The following VIPR2 variants were observed in gnomAD, a reference collection of about 807,000 sequenced individuals.
VIPR2 encodes vasoactive intestinal peptide receptor 2.
A neutral mutation model predicts 58.0 loss-of-function variants in VIPR2; 48 were observed. That is an observed-to-expected ratio of 0.83 (90% CI 0.66 to 1.05). The LOEUF is 1.05. VIPR2 is among the 50% of genes least tolerant of loss of function. The pLI is 0.00. For synonymous variants in VIPR2, 243 were observed against 235.2 expected, an observed-to-expected ratio of 1.03 and a Z score of -0.30; for missense variants, 534 against 558.0, an observed-to-expected ratio of 0.96 and a Z score of 0.43.
intron 2 of VIPR2, among the ~76,000 whole-genome samples, chr7:159,118,905 A>C (rs887189472): frequency 3.3e-5 from 5 of 152,248 alleles, no homozygotes; most frequent in Admixed American, 2.0e-4. Context: ...CGCTTTGTGC[A>C]CTCCTACAGA....
chr7:159,064,535 G>A (rs887723991), intron 4 of VIPR2, among the ~76,000 whole-genome samples: 2 of 152,278 alleles, frequency 1.3e-5, no homozygotes, highest in Admixed American at 1.3e-4. Context: ...TGGGTGCTGG[G>A]CTGAAGGTGG....
Position 159,097,188 on chromosome 7 carries a change from C to A in VIPR2, c.357+6569G>T. ...GATCTTTGTCACCAGGGATGGGAGCCCTGGGGAGTGAAGTTTGCCATCAGT... is the reference window on the plus strand; with the variant it reads ...GATCTTTGTCACCAGGGATGGGAGCACTGGGGAGTGAAGTTTGCCATCAGT... On this transcript the variant is annotated intron_variant, in intron 4 of 12. Coordinates refer to ENST00000262178, the MANE Select transcript of VIPR2 (RefSeq NM_003382.5). This position sits in a 1 kb window ranked among gnomAD's most constrained non-coding sequence, Gnocchi z 5.3. 3.5e-6 allele frequency: 5 copies of A among 1,434,832 alleles called. No individual in the cohort carries two copies. The highest frequency in any genetic ancestry group is 4.6e-6 in the Non-Finnish European group (5 of 1,089,988). The allele number at this position is 1,434,832 out of a possible 1,614,324, so 88.9% of individuals were successfully genotyped here. A position where few individuals can be genotyped will look rare whatever the true frequency, so the allele number is the denominator to read the frequency against.
At chr7:159,121,004 T>G (rs944739857) in intron 2 of VIPR2, among the ~76,000 whole-genome samples, 4 of 152,236 alleles carry the variant, frequency 2.6e-5, no homozygotes, top group Admixed American at 1.3e-4. Flanking sequence ...TGCCTGCTTT[T>G]TAAGCTTGGA....
chr7:159,033,785 G>A (rs1357607757), intron 10 of VIPR2, among the ~76,000 whole-genome samples: 1 of 152,184 alleles, frequency 6.6e-6, no homozygotes, highest in Non-Finnish European at 1.5e-5. Flanking sequence ...AAAATACTGT[G>A]TGGTCAAGGA....
In VIPR2 at chr7:159,127,952, A is replaced by T. The variant is rs1356583191; in HGVS notation, c.151+14494T>A. On this transcript the variant is annotated intron_variant, in intron 2 of 12. Transcript: ENST00000262178. The surrounding 1 kb of genome is among the most constrained non-coding windows in gnomAD (Gnocchi z 4.6). ...CGTGCTATTCCAAGGACAATCTTCCATAGATTTATGATTGGGACTTGTGTC... is the reference window on the plus strand; with the variant it reads ...CGTGCTATTCCAAGGACAATCTTCCTTAGATTTATGATTGGGACTTGTGTC... 6.6e-6 allele frequency among the ~76,000 whole-genome samples: 1 copy of T among 152,138 alleles called. No homozygotes were observed. The highest frequency in any genetic ancestry group is 1.5e-5 in the Non-Finnish European group (1 of 68,024).
Position 159,099,596 on chromosome 7 carries a change from A to G in VIPR2, c.357+4161T>C, listed in dbSNP as rs1322827226. 1.3e-5 allele frequency among the ~76,000 whole-genome samples: 2 copies of G among 152,184 alleles called. No homozygotes were observed. The highest frequency in any genetic ancestry group is 3.9e-4 in the East Asian group (2 of 5,194). On this transcript the variant is annotated intron_variant, in intron 4 of 12. Transcript: ENST00000262178. This position sits in a 1 kb window ranked among gnomAD's most constrained non-coding sequence, Gnocchi z 4.2. ...AAAGGAAGGAGAGAATGAACGACGG[A>G]GCCTGCACATACGGGGCTCTGGGTG... is the stretch of plus-strand genomic sequence containing the variant.
intron 4 of VIPR2, among the ~76,000 whole-genome samples, chr7:159,101,621 G>C (rs1858248658): frequency 7.0e-6 from 1 of 143,428 alleles, no homozygotes; most frequent in African/African-American, 2.6e-5. Flanking sequence ...CTGTGGTAGT[G>C]AACGGGTCTC....
At chr7:159,090,106 C>T (rs377303020) in intron 4 of VIPR2, among the ~76,000 whole-genome samples, 3 of 129,754 alleles carry the variant, frequency 2.3e-5, no homozygotes, top group African/African-American at 6.6e-5. Flanking sequence ...CTCTTGTGAC[C>T]ATCACAATCC....
chr7:159,047,983 T>C (rs991099035), intron 5 of VIPR2, among the ~76,000 whole-genome samples: 5 of 152,192 alleles, frequency 3.3e-5, no homozygotes, highest in South Asian at 2.1e-4. Flanking sequence ...GAGAGCTTAT[T>C]TGTGACATAG....
rs367602668 is a variant in VIPR2 at position 159,034,311 on chromosome 7, A to C, written c.880-7T>G. The C allele has an allele frequency of 1.7e-5, 28 of 1,612,856 alleles. No homozygotes were observed. The African/African-American group carries it at 2.5e-4, about 15-fold the overall frequency. ...TGAAAAGGACAAAATTGACCTGCAC[A>C]AGAGATAATAAGTTTGTGAAACAGA... On this transcript the variant is annotated splice_region_variant and splice_polypyrimidine_tract_variant and intron_variant, in intron 9 of 12. Coordinates refer to ENST00000262178, the MANE Select transcript of VIPR2 (RefSeq NM_003382.5).
At chr7:159,113,728 C>G (rs1796129773) in intron 2 of VIPR2, among the ~76,000 whole-genome samples, 2 of 152,088 alleles carry the variant, frequency 1.3e-5, no homozygotes, top group African/African-American at 2.4e-5. Context: ...TGATGTACAC[C>G]AGCAATGTGA....
intron 4 of VIPR2, among the ~76,000 whole-genome samples, chr7:159,067,693 C>G (rs1240974142): frequency 6.6e-6 from 1 of 152,244 alleles, no homozygotes; most frequent in Non-Finnish European, 1.5e-5. Flanking sequence ...AAACTAACAG[C>G]TGCAATTCCA....
At chr7:159,141,946 G>A (rs1359353857) in intron 2 of VIPR2, among the ~76,000 whole-genome samples, 2 of 152,214 alleles carry the variant, frequency 1.3e-5, no homozygotes, top group South Asian at 2.1e-4. Flanking sequence ...GCATGCCTCT[G>A]TCAAACCGGA....
intron 12 of VIPR2, 78 bp from the exon 13 acceptor site, chr7:159,030,867 G>T (rs1436720673): frequency 7.1e-7 from 1 of 1,418,046 alleles, no homozygotes; most frequent in Non-Finnish European, 9.2e-7. Flanking sequence ...CGGCCCGCGA[G>T]CCTCCAGCTC....
Position 159,097,411 on chromosome 7 carries a change from C to T in VIPR2, c.357+6346G>A, listed in dbSNP as rs371210694. ...ACCAGTATGTAACACAGAAGACTTACGGGAGCCGGCCCCCTCGCGTGCCCA... is the reference window on the plus strand; with the variant it reads ...ACCAGTATGTAACACAGAAGACTTATGGGAGCCGGCCCCCTCGCGTGCCCA... On this transcript the variant is annotated intron_variant, in intron 4 of 12. Transcript: ENST00000262178. This position sits in a 1 kb window ranked among gnomAD's most constrained non-coding sequence, Gnocchi z 5.3. Among the ~76,000 whole-genome samples the T allele has an allele frequency of 6.6e-5, 10 of 152,312 alleles. No individual in the cohort carries two copies. In the East Asian group the frequency reaches 7.7e-4, roughly 12 times the overall value.
At chr7:159,076,974 A>C (rs1390618926) in intron 4 of VIPR2, among the ~76,000 whole-genome samples, 1 of 152,066 alleles carries the variant, frequency 6.6e-6, no homozygotes, top group African/African-American at 2.4e-5. Flanking sequence ...CTAATCTGAG[A>C]CTCCTTATTA....
intron 2 of VIPR2, among the ~76,000 whole-genome samples, chr7:159,119,581 T>C (rs1796376575): frequency 6.6e-6 from 1 of 152,170 alleles, no homozygotes; most frequent in African/African-American, 2.4e-5. Context: ...CGCTCTGACA[T>C]GGGAGCTCAT....
chr7:159,032,157 G>C lies in VIPR2; in HGVS notation c.972-90C>G, dbSNP rs1585320443. On this transcript the variant is annotated intron_variant, in intron 10 of 12. Transcript: ENST00000262178. ...GTCCTTCTCAGGAGGGGGCAGCTGG[G>C]TGTGGGAGGGGCTCCACACCTCCTC... is the stretch of plus-strand genomic sequence containing the variant. The C allele has an allele frequency of 2.6e-6, 4 of 1,546,660 alleles. No homozygotes were observed. The East Asian group carries it at 9.5e-5, about 37-fold the overall frequency.
Position 159,031,881 on chromosome 7 carries a change from A to T in VIPR2, c.1102-12T>A, listed in dbSNP as rs1237311096. ...GCCACCACCAGGCCCTGCAATGAGA[A>T]GAGATGGTCAGGCAGGACCCGCGCT... On this transcript the variant is annotated splice_polypyrimidine_tract_variant and intron_variant, in intron 11 of 12. Coordinates refer to ENST00000262178, the MANE Select transcript of VIPR2 (RefSeq NM_003382.5). The surrounding 1 kb of genome is among the most constrained non-coding windows in gnomAD (Gnocchi z 4.0). The T allele has an allele frequency of 3.1e-6, 5 of 1,614,090 alleles. No homozygotes were observed. The highest frequency in any genetic ancestry group is 4.2e-6 in the Non-Finnish European group (5 of 1,180,020).
Sources: gnomAD v4.1 joint callset for allele counts (sites outside exome capture counted in the v4.1 genomes callset) on GRCh38, gnomAD v4.1.1 for gene constraint, Gnocchi (gnomAD v3.1) non-coding constraint, MANE v1.5 for transcripts, NCBI Gene and HGNC (gene_info 2026-07-23, HGNC 2026-07-21) for gene names.